The following LINGO2 variants were observed in gnomAD, a reference collection of about 807,000 sequenced individuals.
The protein encoded by LINGO2 is leucine rich repeat and Ig domain containing 2.
Under a neutral mutation model 30.6 loss-of-function variants are expected in LINGO2, and 14 were observed. The observed-to-expected ratio is 0.46, with a 90% CI of 0.30 to 0.72. LINGO2 has a LOEUF of 0.72. Among genes scored for constraint, LINGO2 ranks in the 30% least tolerant of loss-of-function variants. The probability of loss-of-function intolerance (pLI) is 0.07; values close to 1 mark genes in which losing one functional copy is unlikely to be tolerated. For synonymous variants in LINGO2, 317 were observed against 288.5 expected (o/e 1.10, Z -1.00); for missense variants, 729 against 751.7 (o/e 0.97, Z 0.35).
chr9:28,891,751 A>G, the LINGO2 span, among the ~76,000 whole-genome samples: 5 of 151,962 alleles, frequency 3.3e-5, no homozygotes, highest in African/African-American at 9.7e-5. Flanking sequence ...ATGCTGAAAT[A>G]AATTATTTAG....
chr9:28,988,562 T>G, the LINGO2 span, among the ~76,000 whole-genome samples: 18,427 of 152,218 alleles, frequency 0.12, 1,105 homozygotes, highest in South Asian at 0.15. Context: ...GCTGTAATAC[T>G]GACATTTTGT....
At chr9:28,694,283 T>G in the LINGO2 span, among the ~76,000 whole-genome samples, 2 of 151,954 alleles carry the variant, frequency 1.3e-5, no homozygotes, top group Non-Finnish European at 2.9e-5. Flanking sequence ...AAATATATAT[T>G]CTATCTGCTA....
chr9:28,846,216 A>T, the LINGO2 span, among the ~76,000 whole-genome samples: 6 of 151,704 alleles, frequency 4.0e-5, no homozygotes, highest in Admixed American at 3.3e-4. Context: ...GGGATAAAAT[A>T]CAGATCTCAC....
the LINGO2 span, among the ~76,000 whole-genome samples, chr9:28,849,368 C>A: frequency 1.3e-5 from 2 of 151,920 alleles, no homozygotes; most frequent in East Asian, 3.9e-4. Context: ...AATACACAGA[C>A]CCAGAATAAT....
chr9:28,017,096 A>T (rs1822877884), intron 4 of LINGO2, among the ~76,000 whole-genome samples: 1 of 152,158 alleles, frequency 6.6e-6, no homozygotes, highest in African/African-American at 2.4e-5. Context: ...AAACCACCTG[A>T]TCATTTCAAT....
chr9:29,208,431 G>C, the LINGO2 span, among the ~76,000 whole-genome samples: 77 of 151,842 alleles, frequency 5.1e-4, no homozygotes, highest in African/African-American at 1.7e-3. Flanking sequence ...CAAAATTTGT[G>C]CCTTATTAAT....
Position 28,105,300 on chromosome 9 carries a change from C to A in LINGO2, c.-86-92895G>T, listed in dbSNP as rs186443383. On this transcript the variant is annotated intron_variant, in intron 4 of 5. Coordinates refer to ENST00000379992, the Ensembl canonical transcript of LINGO2. ...CAGTGAAGCTCTCACAGAATATAAG[C>A]TCTTCTCTTCATAAGCAAATGTTTT... Among the ~76,000 whole-genome samples the A allele has an allele frequency of 2.2e-3, 336 of 152,242 alleles. 2 individuals are homozygous for A. The highest frequency in any genetic ancestry group is 6.4e-3 in the African/African-American group (266 of 41,542).
intron 3 of LINGO2, among the ~76,000 whole-genome samples, chr9:28,300,882 G>A (rs957275337): frequency 1.3e-5 from 2 of 150,302 alleles, no homozygotes; most frequent in Non-Finnish European, 2.9e-5. Context: ...CATTGAACAT[G>A]TCAGAACATG....
At chr9:28,084,254 G>A (rs1024207495) in intron 4 of LINGO2, among the ~76,000 whole-genome samples, 1 of 151,952 alleles carries the variant, frequency 6.6e-6, no homozygotes, top group Non-Finnish European at 1.5e-5. Context: ...TTCTAATTAT[G>A]TTCTTTGTTT....
chr9:29,017,262 T>A, the LINGO2 span, among the ~76,000 whole-genome samples: 1 of 151,768 alleles, frequency 6.6e-6, no homozygotes, highest in African/African-American at 2.4e-5. Context: ...CCAGAGAAAA[T>A]CCATATAAAC....
At position 28,425,139 on chromosome 9, in the gene LINGO2, GTTTCT is replaced by G. The variant is rs767319838; in HGVS notation, c.-279+50796_-279+50800del. Among the ~76,000 whole-genome samples the G allele has an allele frequency of 4.0e-5, 6 of 150,842 alleles. No individual in the cohort carries two copies. The South Asian group carries it at 6.3e-4, about 16-fold the overall frequency. On this transcript the variant is annotated intron_variant, in intron 2 of 5. Coordinates refer to ENST00000379992, the Ensembl canonical transcript of LINGO2. The stretch of plus-strand genomic sequence containing the variant: ...ATTTTCAACTTCTTTAACTCCCATG[GTTTCT>G]TTTAAGTGTCTTTACATTCTGCACT...
At chr9:28,037,153 A>C (rs933132202) in intron 4 of LINGO2, among the ~76,000 whole-genome samples, 3 of 152,346 alleles carry the variant, frequency 2.0e-5, no homozygotes, top group East Asian at 3.9e-4. Context: ...TGGGTGGAAT[A>C]AAATAACCAC....
At chr9:29,069,011 C>T in the LINGO2 span, among the ~76,000 whole-genome samples, 29,879 of 151,672 alleles carry the variant, frequency 0.2, 3,075 homozygotes, top group African/African-American at 0.24. Flanking sequence ...CAGGCTACAT[C>T]TGAGTTTTGC....
At chr9:28,045,244 G>A (rs1824366414) in intron 4 of LINGO2, among the ~76,000 whole-genome samples, 1 of 151,920 alleles carries the variant, frequency 6.6e-6, no homozygotes, top group Non-Finnish European at 1.5e-5. Context: ...CTAAAACACT[G>A]AGCCTGTAAA....
chr9:28,522,233 C>G (rs115957047), intron 1 of LINGO2, among the ~76,000 whole-genome samples: 2,759 of 152,230 alleles, frequency 0.018, 85 homozygotes, highest in African/African-American at 0.062. Context: ...GGTGATCTCA[C>G]ATTAGTAGGA....
chr9:28,014,476 T>A (rs1338851220), intron 4 of LINGO2, among the ~76,000 whole-genome samples: 1 of 152,150 alleles, frequency 6.6e-6, no homozygotes, highest in South Asian at 2.1e-4. Flanking sequence ...CTCTTAACCA[T>A]CCTACTATTA....
chr9:28,804,151 C>T, the LINGO2 span, among the ~76,000 whole-genome samples: 1 of 152,036 alleles, frequency 6.6e-6, no homozygotes, highest in Non-Finnish European at 1.5e-5. Context: ...CCCCAGCCTT[C>T]CCCATCTCTG....
the LINGO2 span, among the ~76,000 whole-genome samples, chr9:29,129,946 C>A: frequency 6.6e-6 from 1 of 151,936 alleles, no homozygotes; most frequent in Non-Finnish European, 1.5e-5. Flanking sequence ...CTGTGTAAGT[C>A]ATGAAAAGGA....
chr9:28,602,250 C>A (rs1199968357), intron 1 of LINGO2, among the ~76,000 whole-genome samples: 1 of 151,958 alleles, frequency 6.6e-6, no homozygotes, highest in Non-Finnish European at 1.5e-5. Flanking sequence ...GGCTTGGGGC[C>A]ATGGGGAGGT....
Sources: allele counts gnomAD v4.1 joint callset (sites outside exome capture counted in the v4.1 genomes callset), GRCh38; gene constraint gnomAD v4.1.1; transcripts MANE v1.5; gene names NCBI Gene and HGNC (gene_info 2026-07-23, HGNC 2026-07-21).